HR: variants seen among roughly 807,000 people sequenced by gnomAD.
HR encodes the protein lysine-specific demethylase hairless.
In HR, 83 loss-of-function variants were observed where a neutral mutation model predicts 128.6. That is an observed-to-expected ratio of 0.65 (90% CI 0.54 to 0.77). HR has a LOEUF of 0.77. HR is among the 30% of genes least tolerant of loss of function. HR has a pLI of 0.00. For missense variants in HR, 1,490 were observed against 1,574.6 expected (o/e 0.95, Z 0.91); for synonymous variants, 681 against 658.2 (o/e 1.03, Z -0.53).
chr8:22,123,616 A>AGGGGGGGGGGGC, intron 6 of HR, 33 bp downstream of exon 6: 3 of 562,348 alleles, frequency 5.3e-6, no homozygotes, highest in Admixed American at 3.3e-5. Context: ...TGAGGGCTCC[A>AGGGGGGGGGGGC]TCCCGCCCTC....
chr8:22,116,530 C>T lies in HR; in HGVS notation c.3379-102G>A. On this transcript the variant is annotated intron_variant, in intron 17 of 18. Transcript: ENST00000381418. This position sits in a 1 kb window ranked among gnomAD's most constrained non-coding sequence, Gnocchi z 4.2. ...TTCCTCTAATGACAACCACCCCCGA[C>T]CCCTGGCTCTCAGAGAGCAGATTCC... 1 of 1,402,014 alleles carries T rather than the reference C, an allele frequency of 7.1e-7. No individual in the cohort carries two copies. Among genetic ancestry groups the T allele is most frequent in the Non-Finnish European group, 9.6e-7 (1 of 1,036,720 alleles). 86.8% of individuals were successfully genotyped at this position (1,402,014 alleles called of 1,614,324 possible).
At position 22,129,016 on chromosome 8, in the gene HR, C is replaced by T; in HGVS notation, c.155G>A (p.Gly52Asp). 2 of 1,610,960 alleles carry T rather than the reference C, an allele frequency of 1.2e-6. No individual in the cohort carries two copies. The highest frequency in any genetic ancestry group is 1.1e-5 in the South Asian group (1 of 90,900). Residue 52 changes from glycine to aspartate, a missense_variant, in exon 2 of 19, where the codon GGC (glycine) becomes GAC (aspartate). Physicochemically the swap from Gly to Asp is moderately conservative, Grantham distance 94. This residue lies in a region of HR where 1,060 missense variants were observed against 1,060.9 expected (regional missense o/e 1.00). Transcript: ENST00000381418. ...CCAGGAGTCTGGGGTGCTCAGGACG[C>T]CCCTCCAAAAGGGAGCAGGCTCTCC... ...CLGEPAPFWR[G>D]VLSTPDSWLP...
chr8:22,123,616 A>AGG, intron 6 of HR, 33 bp downstream of exon 6: 5 of 562,344 alleles, frequency 8.9e-6, no homozygotes, highest in Non-Finnish European at 1.5e-5. Flanking sequence ...TGAGGGCTCC[A>AGG]TCCCGCCCTC....
At position 22,116,863 on chromosome 8, in the gene HR, G is replaced by A. The variant is rs746665720; in HGVS notation, c.3378+12C>T. ...TGATCTCCCCGCAGAGCCCCTGCCC[G>A]CTGGGAAGCACCTGGTGGGGAGCCC... On this transcript the variant is annotated intron_variant, in intron 17 of 18. Transcript: ENST00000381418. This position sits in a 1 kb window ranked among gnomAD's most constrained non-coding sequence, Gnocchi z 4.2. 1.9e-5 allele frequency: 29 copies of A among 1,566,768 alleles called. No homozygotes were observed. The highest frequency in any genetic ancestry group is 2.3e-4 in the Middle Eastern group (1 of 4,424).
Position 22,119,259 on chromosome 8 carries a change from A to T in HR, c.3002T>A (p.Leu1001Gln). 6.2e-7 allele frequency: 1 copy of T among 1,613,740 alleles called. No individual in the cohort carries two copies. The highest frequency in any genetic ancestry group is 8.5e-7 in the Non-Finnish European group (1 of 1,180,028). The change falls in exon 15 of 19, where the codon CTG (leucine) becomes CAG (glutamine). Residue 1001 changes from leucine to glutamine, a missense_variant. This residue lies in a region of HR where 423 missense variants were observed against 495.9 expected (regional missense o/e 0.85). Transcript: ENST00000381418. ...AYGVSPHRGH[L>Q]GTKNLCVEVA... ...CTCCACACAGAGGTTCTTGGTCCCC[A>T]GGTGTCCCCGGTGCGGGCTCACACC...
At chr8:22,118,696 G>T (rs532840535) in intron 16 of HR, 6 of 561,766 alleles carry the variant, frequency 1.1e-5, no homozygotes, top group Non-Finnish European at 1.6e-5. Flanking sequence ...GTCCAGCCTC[G>T]GGCAGCTGGT....
At position 22,122,462 on chromosome 8, in the gene HR, T is replaced by C. The variant is rs1826777665; in HGVS notation, c.2121+31A>G. 4 of 1,520,202 alleles carry C rather than the reference T, an allele frequency of 2.6e-6. No individual in the cohort carries two copies. In the African/African-American group the frequency reaches 4.1e-5, roughly 16 times the overall value. The allele number at this position is 1,520,202 out of a possible 1,614,324, so 94.2% of individuals were successfully genotyped here. On this transcript the variant is annotated intron_variant, in intron 8 of 18. Transcript: ENST00000381418. ...AAAGGTCAGCCATTTGCAGGCACGATACCCAACCGGTGACATGCCCTGGGT... is the reference window on the plus strand; with the variant it reads ...AAAGGTCAGCCATTTGCAGGCACGACACCCAACCGGTGACATGCCCTGGGT...
intron 5 of HR, among the ~76,000 whole-genome samples, chr8:22,124,347 G>A (rs1233299400): frequency 2.6e-5 from 4 of 152,104 alleles, no homozygotes; most frequent in Non-Finnish European, 4.4e-5. Context: ...CTCCCACCTC[G>A]GCCTCCCAAA....
intron 5 of HR, 30 bp from the exon 6 acceptor site, chr8:22,123,843 G>A (rs1368840103): frequency 1.9e-6 from 3 of 1,582,048 alleles, no homozygotes; most frequent in African/African-American, 1.3e-5. Flanking sequence ...CAGGGTCAGA[G>A]GGTGAAGGCA....
At position 22,129,160 on chromosome 8, in the gene HR, G is replaced by T. The variant is rs370699592; in HGVS notation, c.11C>A (p.Thr4Lys). 6 of 1,540,460 alleles carry T rather than the reference G, an allele frequency of 3.9e-6. No individual in the cohort carries two copies. The highest frequency in any genetic ancestry group is 1.8e-4 in the Middle Eastern group (1 of 5,704). MES[T>K]PSFLKGTPTW... ...TGGGGTGCCCTTCAGGAAGCTGGGCGTACTCTCCATCACTCTCCTGCCCTC... is the reference window on the plus strand; with the variant it reads ...TGGGGTGCCCTTCAGGAAGCTGGGCTTACTCTCCATCACTCTCCTGCCCTC... The change falls in exon 2 of 19, where the codon ACG becomes AAG. Residue 4 changes from threonine to lysine, a missense_variant. By Grantham distance (78) the Thr-to-Lys change is moderately conservative. Transcript: ENST00000381418.
chr8:22,121,403 C>T (rs2131756539), intron 9 of HR, among the ~76,000 whole-genome samples, 175 bp from the exon 10 acceptor site: 1 of 152,164 alleles, frequency 6.6e-6, no homozygotes, highest in East Asian at 1.9e-4. Flanking sequence ...TTCCTGCAGG[C>T]AGCTCCAGAG....
intron 11 of HR, 33 bp downstream of exon 11, chr8:22,120,683 C>T: frequency 6.6e-7 from 1 of 1,509,068 alleles, no homozygotes; most frequent in Non-Finnish European, 8.8e-7. Flanking sequence ...GTGGGGTGGC[C>T]AGGGCCGGGA....
In HR at chr8:22,125,501, C is replaced by A; in HGVS notation, c.1560G>T (p.Ser520=). The change falls in exon 5 of 19, where the codon TCG becomes TCT. Residue 520 remains serine (S), a synonymous_variant. Transcript: ENST00000381418. Reference sequence around the variant, plus strand: ...CCTGCTGCAGCTCCCCTCCCAGAGGCGATCTGGAGAGAGGGCAGGGGGAGG... The same window carrying A: ...CCTGCTGCAGCTCCCCTCCCAGAGGAGATCTGGAGAGAGGGCAGGGGGAGG... ...HACHSQQVRR[S]PLGGELQQEE... The A allele has an allele frequency of 6.2e-7, 1 of 1,613,348 alleles. No individual in the cohort carries two copies. The highest frequency in any genetic ancestry group is 8.5e-7 in the Non-Finnish European group (1 of 1,179,922).
chr8:22,127,026 GGCC>G lies in HR; in HGVS notation c.1405+8_1405+10del. The G allele has an allele frequency of 6.2e-7, 1 of 1,610,066 alleles. No homozygotes were observed. Among genetic ancestry groups the G allele is most frequent in the South Asian group, 1.1e-5 (1 of 90,766 alleles). Reference sequence around the variant, plus strand: ...CCACGCAGGGCCTGCAGCCCCTCCTGGCCCCCTTACCTTTCTGCTCATCATGCT... The same window carrying G: ...CCACGCAGGGCCTGCAGCCCCTCCTGCCCTTACCTTTCTGCTCATCATGCT... On this transcript the variant is annotated splice_region_variant and intron_variant, in intron 3 of 18. Transcript: ENST00000381418.
chr8:22,125,168 C>G, intron 5 of HR, 143 bp downstream of exon 5: 1 of 781,482 alleles, frequency 1.3e-6, no homozygotes. Context: ...CAGTTTGACA[C>G]CTTCCTGATG....
chr8:22,126,795 C>T (rs1025300139), intron 3 of HR, among the ~76,000 whole-genome samples: 1 of 152,208 alleles, frequency 6.6e-6, no homozygotes, highest in Non-Finnish European at 1.5e-5. Context: ...ATGCTCTGAA[C>T]TATGTCATTA....
rs981796422 is a variant in HR, at chr8:22,128,041, A to G, written c.613-212T>C. The stretch of plus-strand genomic sequence containing the variant: ...CCAGGATTTCTCAGACGTCCCCACA[A>G]GGAAGTCTAAGAACTAAAGAGTGAA... On this transcript the variant is annotated intron_variant, in intron 2 of 18. Coordinates refer to ENST00000381418, the MANE Select transcript of HR (RefSeq NM_005144.5). 4.7e-6 allele frequency: 3 copies of G among 637,300 alleles called. No individual in the cohort carries two copies. The African/African-American group carries it at 5.4e-5, about 12-fold the overall frequency. 39.5% of individuals were successfully genotyped at this position (637,300 alleles called of 1,614,324 possible).
In HR at chr8:22,120,772, G is replaced by A; in HGVS notation, c.2554C>T (p.Gln852Ter). ...TGGAAGCCACGCCGAGGGCAAGGCTGGGGCTCCTGCAGCCACAGCAAAGCC... is the reference window on the plus strand; with the variant it reads ...TGGAAGCCACGCCGAGGGCAAGGCTAGGGCTCCTGCAGCCACAGCAAAGCC... ...PGALLWLQEP[Q>*]PCPRRGFHLF... Residue 852 changes from glutamine to a stop codon, truncating the protein, a stop_gained, in exon 11 of 19, where the codon CAG (glutamine) becomes TAG (stop). Transcript: ENST00000381418. LOFTEE classifies it high-confidence loss of function. The A allele has an allele frequency of 1.3e-6, 2 of 1,529,810 alleles. No homozygotes were observed. Among genetic ancestry groups the A allele is most frequent in the Non-Finnish European group, 1.8e-6 (2 of 1,135,792 alleles). The allele number at this position is 1,529,810 out of a possible 1,614,324, so 94.8% of individuals were successfully genotyped here.
chr8:22,128,760 G>A lies in HR; in HGVS notation c.411C>T (p.Ala137=), dbSNP rs773648353. The A allele has an allele frequency of 6.2e-7, 1 of 1,605,790 alleles. No homozygotes were observed. The highest frequency in any genetic ancestry group is 8.5e-7 in the Non-Finnish European group (1 of 1,176,734). Residue 137 remains alanine (A), a synonymous_variant, in exon 2 of 19, where the codon GCC becomes GCT. Transcript: ENST00000381418. The part of the protein sequence containing the change: ...SGGHLKSDPV[A]FRPWHCPFLL... ...GGAAAGGGCAGTGCCAGGGCCGGAA[G>A]GCCACAGGGTCACTCTTGAGATGGC... is the stretch of plus-strand genomic sequence containing the variant.
Sources: gnomAD v4.1 joint callset for allele counts (sites outside exome capture counted in the v4.1 genomes callset) on GRCh38, gnomAD v4.1.1 for gene constraint, gnomAD v4.1.1 regional missense constraint, Gnocchi (gnomAD v3.1) non-coding constraint, MANE v1.5 for transcripts, NCBI Gene and HGNC (gene_info 2026-07-23, HGNC 2026-07-21) for gene names.